SLC2A9: variants seen among roughly 807,000 people sequenced by gnomAD.
SLC2A9 encodes the protein solute carrier family 2 member 9, also known as solute carrier family 2, facilitated glucose transporter member 9.
A neutral mutation model predicts 50.6 loss-of-function variants in SLC2A9; 39 were observed. The ratio of observed to expected loss-of-function variants is 0.77; its 90% CI spans 0.60 to 1.01. The LOEUF (loss-of-function observed/expected upper bound fraction) is 1.01, where lower values mean the gene tolerates loss of function less well. Among genes scored for constraint, SLC2A9 ranks in the 50% least tolerant of loss-of-function variants. SLC2A9 has a pLI of 0.00. For synonymous variants in SLC2A9, 324 were observed against 276.9 expected (o/e 1.17, Z -1.69); for missense variants, 686 against 677.6 (o/e 1.01, Z -0.14).
intron 7 of SLC2A9, among the ~76,000 whole-genome samples, chr4:9,912,318 C>T (rs566758194): frequency 6.6e-6 from 1 of 152,066 alleles, no homozygotes; most frequent in Non-Finnish European, 1.5e-5. Flanking sequence ...AAAAGAAGAG[C>T]ATCTGACAGT....
At chr4:9,855,078 C>G (rs114366660) in intron 10 of SLC2A9, among the ~76,000 whole-genome samples, 6,668 of 152,246 alleles carry the variant, frequency 0.044, 212 homozygotes, top group Non-Finnish European at 0.064. Context: ...CTTACCACTC[C>G]TATTCAACAT....
At chr4:9,977,714 T>A (rs1244912059) in intron 5 of SLC2A9, among the ~76,000 whole-genome samples, 1 of 151,710 alleles carries the variant, frequency 6.6e-6, no homozygotes, top group African/African-American at 2.4e-5. Context: ...AAGCCATGAG[T>A]TTAGATGTCA....
intron 5 of SLC2A9, among the ~76,000 whole-genome samples, chr4:9,946,266 A>G (rs1749134835): frequency 6.6e-6 from 1 of 152,082 alleles, no homozygotes; most frequent in South Asian, 2.1e-4. Flanking sequence ...TTGTTCTTTA[A>G]TCTGCAGGTT....
At chr4:10,019,214 G>A (rs1224537892) in intron 1 of SLC2A9, 141 bp from the exon 2 acceptor site, 3 of 712,682 alleles carry the variant, frequency 4.2e-6, no homozygotes, top group Admixed American at 5.0e-5. Context: ...ACAGAGAGAA[G>A]AGACGCAAGT....
At chr4:9,803,159 T>C (rs1212310164) in intron 3 of SLC2A9, among the ~76,000 whole-genome samples, 2 of 152,232 alleles carry the variant, frequency 1.3e-5, no homozygotes, top group African/African-American at 2.4e-5. Flanking sequence ...TCAGTCTGTC[T>C]AATTCTCTCT....
At chr4:9,801,616 C>T (rs570899164) in intron 3 of SLC2A9, among the ~76,000 whole-genome samples, 51 of 152,256 alleles carry the variant, frequency 3.3e-4, no homozygotes, top group Admixed American at 7.2e-4. Flanking sequence ...TGCTGGGCTA[C>T]GGGCTGAGCC....
downstream of SLC2A9, among the ~76,000 whole-genome samples, chr4:9,776,010 G>T (rs904883016): frequency 6.6e-6 from 1 of 151,882 alleles, no homozygotes; most frequent in Non-Finnish European, 1.5e-5. Context: ...CATCACTTCC[G>T]CTCACATTCT....
At chr4:9,844,928 C>T (rs1486457013) in intron 10 of SLC2A9, among the ~76,000 whole-genome samples, 1 of 152,214 alleles carries the variant, frequency 6.6e-6, no homozygotes, top group Non-Finnish European at 1.5e-5. Context: ...GTTATTTCTG[C>T]TTCCAGCAAT....
intron 5 of SLC2A9, among the ~76,000 whole-genome samples, chr4:9,951,887 T>C (rs964688205): frequency 5.9e-5 from 9 of 152,376 alleles, no homozygotes; most frequent in Middle Eastern, 6.8e-3. Flanking sequence ...GGATGAATGG[T>C]TGCAGAATTA....
At chr4:9,890,070 C>T (rs1737086407) in intron 9 of SLC2A9, among the ~76,000 whole-genome samples, 1 of 152,142 alleles carries the variant, frequency 6.6e-6, no homozygotes. Flanking sequence ...CCCACAACAC[C>T]CCTGGATGAA....
chr4:10,037,434 CCTCCTCGACACAGTGCTCTT>C (rs1417253281), intron 1 of SLC2A9, among the ~76,000 whole-genome samples: 1 of 152,146 alleles, frequency 6.6e-6, no homozygotes, highest in Non-Finnish European at 1.5e-5. Flanking sequence ...TTTCTCCTGG[CCTCCTCGACACAGTGCTCTT>C]TACATTTTCT....
intron 6 of SLC2A9, among the ~76,000 whole-genome samples, chr4:9,928,738 GCAAA>G (rs968992754): frequency 8.6e-5 from 13 of 151,918 alleles, no homozygotes; most frequent in Non-Finnish European, 1.2e-4. Flanking sequence ...CTTCTCAAAA[GCAAA>G]CAAACAAACA....
intron 3 of SLC2A9, among the ~76,000 whole-genome samples, chr4:9,812,881 C>T (rs1016576327): frequency 3.3e-5 from 5 of 152,108 alleles, no homozygotes; most frequent in African/African-American, 9.7e-5. Flanking sequence ...GAAATTTACT[C>T]GACTTAATGT....
At chr4:9,856,572 A>G (rs1730744091) in intron 10 of SLC2A9, among the ~76,000 whole-genome samples, 1 of 152,242 alleles carries the variant, frequency 6.6e-6, no homozygotes, top group Non-Finnish European at 1.5e-5. Context: ...CGAAGAACTT[A>G]AAACAGAAAT....
At chr4:9,853,355 T>G (rs1730262545) in intron 10 of SLC2A9, among the ~76,000 whole-genome samples, 1 of 152,152 alleles carries the variant, frequency 6.6e-6, no homozygotes, top group African/African-American at 2.4e-5. Flanking sequence ...GTTGCTATTC[T>G]AATTTCAGAC....
chr4:9,884,970 G>A (rs368258431), intron 10 of SLC2A9, among the ~76,000 whole-genome samples: 1 of 152,184 alleles, frequency 6.6e-6, no homozygotes, highest in Admixed American at 6.5e-5. Context: ...GCTGAATAAT[G>A]AGAACACATG....
At chr4:9,772,200 T>C (rs1716914358) in intron 1 of SLC2A9, among the ~76,000 whole-genome samples, 1 of 152,154 alleles carries the variant, frequency 6.6e-6, no homozygotes, top group Non-Finnish European at 1.5e-5. Flanking sequence ...CCAACAGCTC[T>C]GGCAGCCATG....
At chr4:9,894,053 G>A (rs139429508) in intron 8 of SLC2A9, among the ~76,000 whole-genome samples, 5 of 152,274 alleles carry the variant, frequency 3.3e-5, no homozygotes, top group East Asian at 1.9e-4. Flanking sequence ...AGTTGCAAAC[G>A]TCCACACCCT....
chr4:9,941,422 T>A (rs1197710479), intron 6 of SLC2A9, among the ~76,000 whole-genome samples: 1 of 152,188 alleles, frequency 6.6e-6, no homozygotes, highest in African/African-American at 2.4e-5. Context: ...TGTGGGTCAT[T>A]GTGAAGAAGC....
Sources: gnomAD v4.1 joint callset for allele counts (sites outside exome capture counted in the v4.1 genomes callset) on GRCh38, gnomAD v4.1.1 for gene constraint, MANE v1.5 for transcripts, NCBI Gene and HGNC (gene_info 2026-07-23, HGNC 2026-07-21) for gene names.